The following RBM33 variants were observed in gnomAD, a reference collection of about 807,000 sequenced individuals.
The protein encoded by RBM33 is RNA-binding protein 33.
In RBM33, 28 loss-of-function variants were observed where a neutral mutation model predicts 132.6. The observed-to-expected ratio is 0.21, with a 90% CI of 0.16 to 0.29. RBM33 has a LOEUF of 0.29. Ranked by LOEUF, RBM33 falls within the 10% of genes least tolerant of loss-of-function variation. The probability of loss-of-function intolerance (pLI) is 1.00; values close to 1 mark genes in which losing one functional copy is unlikely to be tolerated. For synonymous variants in RBM33, 634 were observed against 593.0 expected, an observed-to-expected ratio of 1.07 and a Z score of -1.01; for missense variants, 1,291 against 1,518.5, an observed-to-expected ratio of 0.85 and a Z score of 2.49.
chr7:155,663,052 C>G (rs890236937), intron 1 of RBM33, among the ~76,000 whole-genome samples: 2 of 152,130 alleles, frequency 1.3e-5, no homozygotes, highest in African/African-American at 4.8e-5. Flanking sequence ...TAGAATTATT[C>G]TTAGAGACTT....
intron 1 of RBM33, among the ~76,000 whole-genome samples, chr7:155,661,093 GTGTGGTGTGT>G (rs1408674560): frequency 1.4e-5 from 2 of 138,228 alleles, no homozygotes; most frequent in African/African-American, 5.6e-5. Flanking sequence ...CTGTGTGTGT[GTGTGGTGTGT>G]GTGTGTGTGT....
intron 14 of RBM33, among the ~76,000 whole-genome samples, chr7:155,754,495 C>T (rs1449927698): frequency 6.6e-6 from 1 of 152,220 alleles, no homozygotes; most frequent in Non-Finnish European, 1.5e-5. Context: ...ACTTCACACC[C>T]TGCCTCATAA....
rs529050573 is a variant in RBM33, at chr7:155,763,862, T to C, written c.3030T>C (p.Leu1010=). The C allele has an allele frequency of 3.7e-6, 6 of 1,611,980 alleles. No individual in the cohort carries two copies. In the South Asian group the frequency reaches 6.6e-5, roughly 18 times the overall value. Residue 1010 remains leucine (L), a synonymous_variant, in exon 15 of 18, where the codon CTT becomes CTC. Transcript: ENST00000401878. Reference sequence around the variant, plus strand: ...ACCCAGAAGGCCAGCCCCAGCGGCTTCCCCAGCCTCCGGAAGTGGGACCAC... The same window carrying C: ...ACCCAGAAGGCCAGCCCCAGCGGCTCCCCCAGCCTCCGGAAGTGGGACCAC... The part of the protein sequence containing the change: ...FFHPEGQPQR[L]PQPPEVGPQP...
rs888224327 is a variant in RBM33 at position 155,778,201 on chromosome 7, CA to C, written c.*3161del. On this transcript the variant is annotated 3_prime_UTR_variant, in exon 18 of 18. Coordinates refer to ENST00000401878, the MANE Select transcript of RBM33 (RefSeq NM_053043.3). The surrounding 1 kb of genome is among the most constrained non-coding windows in gnomAD (Gnocchi z 4.0). ...GGGATGGGGCGGGAGGTGGCTTCAC[CA>C]TAACTATTTTTAATATGGGTCATTC... 6.6e-5 allele frequency: 10 copies of C among 152,552 alleles called. No homozygotes were observed. The highest frequency in any genetic ancestry group is 1.0e-4 in the Non-Finnish European group (7 of 68,050). 9.4% of individuals were successfully genotyped at this position (152,552 alleles called of 1,614,324 possible).
Position 155,774,971 on chromosome 7 carries a change from T to A in RBM33, c.3465-22T>A. ...TGCCGATGTGCAGGGTTAGTGTCGA[T>A]CGTTTCTTTAAATTTTCACAGGCAT... On this transcript the variant is annotated intron_variant, in intron 17 of 17. Transcript: ENST00000401878. The surrounding 1 kb of genome is among the most constrained non-coding windows in gnomAD (Gnocchi z 4.2). 2 of 1,611,480 alleles carry A rather than the reference T, an allele frequency of 1.2e-6. No homozygotes were observed. The highest frequency in any genetic ancestry group is 1.7e-6 in the Non-Finnish European group (2 of 1,177,678).
rs1799942408 is a variant in RBM33, at chr7:155,700,921, G to A, written c.716G>A (p.Arg239Lys). ...AGGCTCTCAGATGTAACTAGAGAGA[G>A]AAGGAACATTCCAGAAACTTTGGGT... is the stretch of plus-strand genomic sequence containing the variant. ...IIRLSDVTRE[R>K]RNIPETLELS... is the part of the protein sequence containing the mutation. Residue 239 changes from arginine (R) to lysine (K), a missense_variant, in exon 6 of 18, where the codon AGA becomes AAA. Transcript: ENST00000401878. 6.2e-7 allele frequency: 1 copy of A among 1,612,928 alleles called. No individual in the cohort carries two copies. Among genetic ancestry groups the A allele is most frequent in the Non-Finnish European group, 8.5e-7 (1 of 1,179,484 alleles).
rs757748530 is a variant in RBM33 at position 155,711,283 on chromosome 7, G to GCTGCAGCCT, written c.1033_1034insAGCCTCTGC (p.Gln342_Leu344dup). ...TGTTCCAGCCGCAGCCGCTGCAGCC[G>GCTGCAGCCT]CTGCTTCCGGTGCAGCACCCGCACC... On this transcript the variant is annotated inframe_insertion, in exon 8 of 18. Transcript: ENST00000401878. 4 of 1,604,360 alleles carry GCTGCAGCCT rather than the reference G, an allele frequency of 2.5e-6. No homozygotes were observed. In the South Asian group the frequency reaches 4.5e-5, roughly 18 times the overall value.
At position 155,775,158 on chromosome 7, in the gene RBM33, G is replaced by A. The variant is rs776517953; in HGVS notation, c.*117G>A. 12 of 915,234 alleles carry A rather than the reference G, an allele frequency of 1.3e-5. No individual in the cohort carries two copies. The highest frequency in any genetic ancestry group is 2.5e-5 in the East Asian group (1 of 40,348). The allele number at this position is 915,234 out of a possible 1,614,324, so 56.7% of individuals were successfully genotyped here. Reference sequence around the variant, plus strand: ...AGGTCTCTCCGGGCCGCTGTCCTGCGTAACTGTTCTCCAGAGCGCCAGCCA... The same window carrying A: ...AGGTCTCTCCGGGCCGCTGTCCTGCATAACTGTTCTCCAGAGCGCCAGCCA... On this transcript the variant is annotated 3_prime_UTR_variant, in exon 18 of 18. Coordinates refer to ENST00000401878, the MANE Select transcript of RBM33 (RefSeq NM_053043.3).
chr7:155,775,027 C>G lies in RBM33; in HGVS notation c.3499C>G (p.Leu1167Val). ...AGATTTGTCCCACATAAATGTGGCCCTGATCGTGGAGTGAGTCCTAACAAG... is the reference window on the plus strand; with the variant it reads ...AGATTTGTCCCACATAAATGTGGCCGTGATCGTGGAGTGAGTCCTAACAAG... ...MIDLSHINVA[L>V]IVE Residue 1167 changes from leucine (L) to valine (V), a missense_variant, in exon 18 of 18, where the codon CTG becomes GTG. Transcript: ENST00000401878. 6.2e-7 allele frequency: 1 copy of G among 1,613,766 alleles called. No homozygotes were observed. The highest frequency in any genetic ancestry group is 8.5e-7 in the Non-Finnish European group (1 of 1,179,724).
At chr7:155,723,669 C>T (rs543191414) in intron 9 of RBM33, among the ~76,000 whole-genome samples, 32 of 152,144 alleles carry the variant, frequency 2.1e-4, no homozygotes, top group African/African-American at 5.8e-4. Flanking sequence ...GGTCAGCATG[C>T]GTTGCATGTG....
intron 12 of RBM33, among the ~76,000 whole-genome samples, chr7:155,741,428 TA>T (rs905053640): frequency 6.6e-6 from 1 of 152,192 alleles, no homozygotes; most frequent in Non-Finnish European, 1.5e-5. Flanking sequence ...AGTGACTAGG[TA>T]AAATAGTAGC....
chr7:155,662,081 C>T (rs932331076), intron 1 of RBM33, among the ~76,000 whole-genome samples: 8 of 151,980 alleles, frequency 5.3e-5, no homozygotes, highest in Non-Finnish European at 1.2e-4. Context: ...AAGTGTTCAC[C>T]CCTCCGCCGA....
At chr7:155,724,283 C>CT (rs2117000798) in intron 9 of RBM33, among the ~76,000 whole-genome samples, 1 of 152,274 alleles carries the variant, frequency 6.6e-6, no homozygotes, top group East Asian at 1.9e-4. Context: ...GCTCCCAGCA[C>CT]TTTGGGAGGC....
chr7:155,706,468 A>G (rs4716541), intron 6 of RBM33, among the ~76,000 whole-genome samples: 47,255 of 151,484 alleles, frequency 0.31, 7,652 homozygotes, highest in Admixed American at 0.43. Context: ...TGCTCTAGCC[A>G]GGGCAACAAA....
chr7:155,731,298 G>A (rs1019154826), intron 9 of RBM33, among the ~76,000 whole-genome samples: 1 of 152,172 alleles, frequency 6.6e-6, no homozygotes, highest in Non-Finnish European at 1.5e-5. Context: ...CACCTTATCC[G>A]AGGGGCGTGT....
At chr7:155,660,765 T>A (rs1471305223) in intron 1 of RBM33, among the ~76,000 whole-genome samples, 1 of 152,226 alleles carries the variant, frequency 6.6e-6, no homozygotes, top group East Asian at 1.9e-4. Context: ...TCTGGATGTA[T>A]AGATAAATAT....
At chr7:155,743,598 T>G (rs1008571690) in intron 13 of RBM33, among the ~76,000 whole-genome samples, 1 of 152,226 alleles carries the variant, frequency 6.6e-6, no homozygotes, top group Non-Finnish European at 1.5e-5. Flanking sequence ...TATATATTTT[T>G]TTACTTTTTA....
At chr7:155,665,280 C>G in intron 2 of RBM33, 27 bp downstream of exon 2, 3 of 1,595,818 alleles carry the variant, frequency 1.9e-6, no homozygotes, top group Non-Finnish European at 2.6e-6. Flanking sequence ...CTTCACCTAA[C>G]TGCCTGTGCC....
chr7:155,769,573 A>T (rs1305664972), intron 16 of RBM33, among the ~76,000 whole-genome samples: 1 of 152,112 alleles, frequency 6.6e-6, no homozygotes, highest in Non-Finnish European at 1.5e-5. Context: ...AGCGGATCTC[A>T]GCCCACCATG....
Sources: allele counts gnomAD v4.1 joint callset (sites outside exome capture counted in the v4.1 genomes callset), GRCh38; gene constraint gnomAD v4.1.1; non-coding constraint Gnocchi (gnomAD v3.1); transcripts MANE v1.5; gene names NCBI Gene and HGNC (gene_info 2026-07-23, HGNC 2026-07-21).